Variants in FRMPD4 observed in about 807,000 individuals in gnomAD.
The protein encoded by FRMPD4 is FERM and PDZ domain containing 4, also known as FERM and PDZ domain-containing protein 4.
A neutral mutation model predicts 94.1 loss-of-function variants in FRMPD4; 22 were observed. The observed-to-expected ratio is 0.23, with a 90% CI of 0.17 to 0.33. The LOEUF (loss-of-function observed/expected upper bound fraction) is 0.33, where lower values mean the gene tolerates loss of function less well. Ranked by LOEUF, FRMPD4 falls within the 10% of genes least tolerant of loss-of-function variation. The pLI, the probability that FRMPD4 is intolerant of heterozygous loss-of-function variation, is 1.00. For missense variants in FRMPD4, 1,111 were observed against 1,339.9 expected (o/e 0.83, Z 2.67); for synonymous variants, 631 against 548.6 (o/e 1.15, Z -2.10).
intron 1 of FRMPD4, among the ~76,000 whole-genome samples, chrX:12,453,589 T>C (rs2057298211): frequency 1.8e-5 from 2 of 111,762 alleles, no homozygotes; most frequent in African/African-American, 6.5e-5. Flanking sequence ...CCGAGTTATT[T>C]TGATATCAAG....
chrX:12,156,590 G>A, intron 1 of FRMPD4, among the ~76,000 whole-genome samples: 1 of 112,104 alleles, frequency 8.9e-6, no homozygotes, highest in South Asian at 3.8e-4. Flanking sequence ...TCCATATACT[G>A]CAGAATTTGA....
chrX:11,996,729 A>G (rs2054498143), intron 3 of FRMPD4, among the ~76,000 whole-genome samples: 1 of 111,926 alleles, frequency 8.9e-6, no homozygotes, highest in African/African-American at 3.2e-5. Context: ...TCTATTACCT[A>G]TTATGTTTAG....
chrX:12,710,724 G>A (rs2041970222), intron 14 of FRMPD4, among the ~76,000 whole-genome samples, 187 bp downstream of exon 14: 2 of 111,027 alleles, frequency 1.8e-5, no homozygotes, highest in Non-Finnish European at 3.8e-5. Context: ...TGACCAACAT[G>A]GTGAAACACC....
chrX:12,556,630 TA>T (rs758662726), intron 2 of FRMPD4, among the ~76,000 whole-genome samples: 3 of 111,967 alleles, frequency 2.7e-5, no homozygotes, highest in Non-Finnish European at 5.6e-5. Flanking sequence ...GAAACTGAGA[TA>T]ACAGATATGC....
At chrX:12,710,608 T>C in intron 14 of FRMPD4, 71 bp downstream of exon 14, 1 of 1,028,635 alleles carries the variant, frequency 9.7e-7, no homozygotes. Flanking sequence ...ATAATAAGGA[T>C]GTTTTCTGAA....
At chrX:12,167,494 T>G (rs1569177442) in intron 1 of FRMPD4, among the ~76,000 whole-genome samples, 1 of 111,670 alleles carries the variant, frequency 9.0e-6, no homozygotes. Context: ...TAATCTAGTT[T>G]TCTCGGATGG....
intron 1 of FRMPD4, among the ~76,000 whole-genome samples, chrX:12,252,697 T>G (rs1015536148): frequency 9.0e-6 from 1 of 111,335 alleles, no homozygotes; most frequent in African/African-American, 3.3e-5. Context: ...CCAAATAAAT[T>G]AAGATCAGAC....
chrX:12,409,290 A>G (rs2056703703), intron 1 of FRMPD4, among the ~76,000 whole-genome samples: 1 of 111,596 alleles, frequency 9.0e-6, no homozygotes, highest in African/African-American at 3.3e-5. Context: ...TCTAGTGACT[A>G]GATGCCGAAG....
At chrX:12,584,230 C>A (rs1209886119) in intron 2 of FRMPD4, among the ~76,000 whole-genome samples, 1 of 112,203 alleles carries the variant, frequency 8.9e-6, no homozygotes, top group African/African-American at 3.2e-5. Flanking sequence ...TTGGTTTACT[C>A]GTTTTTTAAA....
chrX:12,423,294 T>G (rs1284555992), intron 1 of FRMPD4, among the ~76,000 whole-genome samples: 2 of 111,441 alleles, frequency 1.8e-5, no homozygotes, highest in Non-Finnish European at 3.8e-5. Flanking sequence ...ACTCCCGAAA[T>G]CTGTTGGTAC....
intron 2 of FRMPD4, among the ~76,000 whole-genome samples, chrX:12,576,418 G>A (rs928939071): frequency 1.8e-5 from 2 of 112,715 alleles, no homozygotes; most frequent in African/African-American, 6.4e-5. Context: ...AGATATGTCT[G>A]GGTCTGTGAG....
intron 3 of FRMPD4, among the ~76,000 whole-genome samples, chrX:11,999,219 C>T (rs866148652): frequency 9.9e-5 from 11 of 111,581 alleles, no homozygotes; most frequent in Middle Eastern, 4.2e-3. Flanking sequence ...GAGCTGATAT[C>T]CTGTTTCTAT....
At chrX:12,115,141 T>C (rs975366634) in intron 3 of FRMPD4, among the ~76,000 whole-genome samples, 3 of 112,329 alleles carry the variant, frequency 2.7e-5, no homozygotes, top group South Asian at 3.7e-4. Context: ...GAATAAAATA[T>C]CTTGAGAGTA....
chrX:12,166,598 A>G (rs775579604), intron 1 of FRMPD4, among the ~76,000 whole-genome samples: 134 of 111,409 alleles, frequency 1.2e-3, no homozygotes, highest in African/African-American at 4.3e-3. Flanking sequence ...ATCTTTTTCT[A>G]TTGATTGGAA....
chrX:12,388,723 C>T (rs2056431811), intron 1 of FRMPD4, among the ~76,000 whole-genome samples: 1 of 104,942 alleles, frequency 9.5e-6, no homozygotes, highest in Non-Finnish European at 1.9e-5. Context: ...GAAGAGATGC[C>T]TGCACTCCCA....
At chrX:12,303,035 A>T in intron 1 of FRMPD4, among the ~76,000 whole-genome samples, 1 of 111,456 alleles carries the variant, frequency 9.0e-6, no homozygotes, top group Non-Finnish European at 1.9e-5. Flanking sequence ...CAATACAATA[A>T]ACTGGAGGAT....
intron 3 of FRMPD4, among the ~76,000 whole-genome samples, chrX:12,034,373 T>G (rs1038734171): frequency 1.1e-4 from 12 of 111,903 alleles, no homozygotes; most frequent in African/African-American, 3.6e-4. Flanking sequence ...TTTTCCTACC[T>G]CAAATGTCAT....
Position 11,842,757 on chromosome X carries a change from T to C in FRMPD4, c.-161+20042T>C, listed in dbSNP as rs1303650835. 3.1e-5 allele frequency among the ~76,000 whole-genome samples: 3 copies of C among 96,204 alleles called. No homozygotes were observed. The East Asian group carries it at 9.6e-4, about 31-fold the overall frequency. 83.5% of individuals were successfully genotyped at this position (96,204 alleles called of 115,157 possible). ...CCCTTTATTTCCTTCTCCTGCCTAA[T>C]TGCCCTGGCCAGAACTTCCAACACT... On this transcript the variant is annotated intron_variant, in intron 1 of 18. Coordinates refer to the FRMPD4 transcript ENST00000640291.
chrX:12,341,637 G>A, intron 1 of FRMPD4: 1 of 329,274 alleles, frequency 3.0e-6, no homozygotes, highest in Admixed American at 3.1e-5. Context: ...TCACACAGCT[G>A]GTAAGTGACA....
Sources: allele counts gnomAD v4.1 joint callset (sites outside exome capture counted in the v4.1 genomes callset), GRCh38; gene constraint gnomAD v4.1.1; transcripts MANE v1.5; gene names NCBI Gene and HGNC (gene_info 2026-07-23, HGNC 2026-07-21).